The following TNFSF13B variants were observed in gnomAD, a reference collection of about 807,000 sequenced individuals.
TNFSF13B encodes the protein tumor necrosis factor ligand superfamily member 13B.
TNFSF13B carries 8 observed loss-of-function variants against 29.1 expected under a neutral mutation model. The ratio of observed to expected loss-of-function variants is 0.27; its 90% confidence interval spans 0.16 to 0.50. The LOEUF is 0.50. TNFSF13B is among the 20% of genes least tolerant of loss of function. TNFSF13B has a pLI of 0.98. For missense variants in TNFSF13B, 248 were observed against 334.9 expected, an observed-to-expected ratio of 0.74 and a Z score of 2.03; for synonymous variants, 125 against 130.8, an observed-to-expected ratio of 0.96 and a Z score of 0.30.
intron 2 of TNFSF13B, among the ~76,000 whole-genome samples, chr13:108,281,916 G>GT (rs373774556): frequency 1.1e-3 from 159 of 147,070 alleles, no homozygotes; most frequent in African/African-American, 2.9e-3. Context: ...ATCTTTAAGT[G>GT]TTTTTTTTTT....
At chr13:108,276,625 G>A (rs577288378) in intron 2 of TNFSF13B, among the ~76,000 whole-genome samples, 1 of 152,284 alleles carries the variant, frequency 6.6e-6, no homozygotes, top group African/African-American at 2.4e-5. Context: ...AAGTGAAAAG[G>A]TTAGGGCAGG....
At chr13:108,280,077 T>TTG (rs1555311932) in intron 2 of TNFSF13B, among the ~76,000 whole-genome samples, 1 of 151,234 alleles carries the variant, frequency 6.6e-6, no homozygotes, top group East Asian at 1.9e-4. Flanking sequence ...TGCTTTTTTT[T>TTG]TTTTTTTTTT....
intron 3 of TNFSF13B, among the ~76,000 whole-genome samples, chr13:108,294,275 G>T (rs1285943052): frequency 6.6e-6 from 1 of 151,738 alleles, no homozygotes; most frequent in African/African-American, 2.4e-5. Flanking sequence ...TGCCTCCTGG[G>T]TTCAAGTGAT....
intron 2 of TNFSF13B, among the ~76,000 whole-genome samples, chr13:108,272,477 T>C (rs556806054): frequency 6.6e-6 from 1 of 152,284 alleles, no homozygotes; most frequent in African/African-American, 2.4e-5. Context: ...TTTTTCATAG[T>C]TGAGTGTTTT....
At chr13:108,285,134 C>T (rs994980608) in intron 2 of TNFSF13B, among the ~76,000 whole-genome samples, 1 of 152,074 alleles carries the variant, frequency 6.6e-6, no homozygotes, top group Non-Finnish European at 1.5e-5. Flanking sequence ...TGAAAATTGA[C>T]ATAAAAATGT....
chr13:108,277,435 CT>C (rs1300873081), intron 2 of TNFSF13B, among the ~76,000 whole-genome samples: 1 of 152,088 alleles, frequency 6.6e-6, no homozygotes, highest in Non-Finnish European at 1.5e-5. Context: ...CAAAGTTAAC[CT>C]TTGGGTCGGG....
chr13:108,280,391 A>T (rs907669673), intron 2 of TNFSF13B, among the ~76,000 whole-genome samples: 1 of 152,202 alleles, frequency 6.6e-6, no homozygotes, highest in Non-Finnish European at 1.5e-5. Context: ...CCAAATGGAA[A>T]GGTCCAAGGG....
At chr13:108,298,467 T>G (rs1193701531) in intron 3 of TNFSF13B, among the ~76,000 whole-genome samples, 1 of 145,202 alleles carries the variant, frequency 6.9e-6, no homozygotes, top group East Asian at 1.9e-4. Flanking sequence ...AATTTACATA[T>G]CTAAAAAGTT....
chr13:108,303,300 G>T lies in TNFSF13B; in HGVS notation c.529G>T (p.Ala177Ser). 1 of 1,613,334 alleles carries T rather than the reference G, an allele frequency of 6.2e-7. No individual in the cohort carries two copies. The change falls in exon 4 of 6, where the codon GCC becomes TCC. Residue 177 changes from alanine (A) to serine (S), a missense_variant. Ala to Ser is a moderately conservative substitution (Grantham distance 99). Coordinates refer to ENST00000375887, the MANE Select transcript of TNFSF13B (RefSeq NM_006573.5). The stretch of plus-strand genomic sequence containing the variant: ...GCTTCTCAGCTTTAAAAGGGGAAGT[G>T]CCCTAGAAGAAAAAGAGAATAAAAT... ...PWLLSFKRGS[A>S]LEEKENKILV...
chr13:108,273,348 C>T (rs1262538720), intron 2 of TNFSF13B, among the ~76,000 whole-genome samples: 1 of 151,886 alleles, frequency 6.6e-6, no homozygotes, highest in African/African-American at 2.4e-5. Context: ...GATTAATTAG[C>T]CATGTCATGA....
chr13:108,274,307 A>G (rs1594515492), intron 2 of TNFSF13B, among the ~76,000 whole-genome samples: 1 of 151,710 alleles, frequency 6.6e-6, no homozygotes, highest in African/African-American at 2.4e-5. Flanking sequence ...TATGAACAAT[A>G]CATATATGAA....
intron 2 of TNFSF13B, among the ~76,000 whole-genome samples, chr13:108,281,040 A>G (rs753436418): frequency 6.6e-6 from 1 of 152,170 alleles, no homozygotes; most frequent in Non-Finnish European, 1.5e-5. Context: ...TGAGGTCAGG[A>G]GTTCGAGACC....
At chr13:108,306,773 T>G in intron 5 of TNFSF13B, 53 bp from the exon 6 acceptor site, 1 of 1,084,474 alleles carries the variant, frequency 9.2e-7, no homozygotes, top group Admixed American at 2.1e-5. Context: ...TTAAGATTCT[T>G]TTCTTTTCTG....
chr13:108,273,463 A>G (rs1434051706), intron 2 of TNFSF13B, among the ~76,000 whole-genome samples: 2 of 152,228 alleles, frequency 1.3e-5, no homozygotes, highest in African/African-American at 4.8e-5. Context: ...CAGACTGTAC[A>G]TAGCGCCCTT....
chr13:108,308,088 C>T lies in TNFSF13B; in HGVS notation c.*1150C>T, dbSNP rs1440026273. On this transcript the variant is annotated 3_prime_UTR_variant, in exon 6 of 6. Transcript: ENST00000375887. ...CCTTCGCTTTGCTTGTCTTTTATGT[C>T]ATCAGTTTTAACTGTTTACTTCATT... 6.6e-6 allele frequency: 1 copy of T among 151,848 alleles called. No homozygotes were observed. Among genetic ancestry groups the T allele is most frequent in the African/African-American group, 2.4e-5 (1 of 41,272 alleles). The allele number at this position is 151,848 out of a possible 1,614,324, so 9.4% of individuals were successfully genotyped here. A position where few individuals can be genotyped will look rare whatever the true frequency, so the allele number is the denominator to read the frequency against.
chr13:108,303,576 A>C lies in TNFSF13B; in HGVS notation c.717A>C (p.Thr239=), dbSNP rs138137454. 4.1e-5 allele frequency: 66 copies of C among 1,613,468 alleles called. No individual in the cohort carries two copies. In the African/African-American group the frequency reaches 7.2e-4, roughly 18 times the overall value. The change falls in exon 5 of 6, where the codon ACA becomes ACC. Residue 239 remains threonine (T), a synonymous_variant. Coordinates refer to ENST00000375887, the MANE Select transcript of TNFSF13B (RefSeq NM_006573.5). ...LFRCIQNMPE[T]LPNNSCYSAG... The stretch of plus-strand genomic sequence containing the variant: ...GATGTATTCAAAATATGCCTGAAAC[A>C]CTACCCAATAATTCCTGCTATTCAG...
intron 3 of TNFSF13B, among the ~76,000 whole-genome samples, chr13:108,289,249 C>T (rs150220376): frequency 7.4e-4 from 113 of 152,096 alleles, no homozygotes; most frequent in Admixed American, 1.4e-3. Flanking sequence ...ATGCTGTGAT[C>T]TTCCTGGAGT....
At chr13:108,283,918 C>G (rs1168349334) in intron 2 of TNFSF13B, among the ~76,000 whole-genome samples, 1 of 152,196 alleles carries the variant, frequency 6.6e-6, no homozygotes, top group African/African-American at 2.4e-5. Flanking sequence ...CCAAAGTCTT[C>G]CTAATAGCAT....
chr13:108,291,629 G>A (rs1881315864), intron 3 of TNFSF13B, among the ~76,000 whole-genome samples: 2 of 151,796 alleles, frequency 1.3e-5, no homozygotes, highest in South Asian at 4.1e-4. Flanking sequence ...CATTTCCCTA[G>A]CATGACTTTG....
Sources: gnomAD v4.1 joint callset for allele counts (sites outside exome capture counted in the v4.1 genomes callset) on GRCh38, gnomAD v4.1.1 for gene constraint, MANE v1.5 for transcripts, NCBI Gene and HGNC (gene_info 2026-07-23, HGNC 2026-07-21) for gene names.